CNTNAP5: variants seen among roughly 807,000 people sequenced by gnomAD.
CNTNAP5 encodes contactin associated protein family member 5, also known as contactin-associated protein-like 5.
Under a neutral mutation model 150.2 loss-of-function variants are expected in CNTNAP5, and 72 were observed. The observed-to-expected ratio is 0.48, with a 90% confidence interval of 0.40 to 0.58. The LOEUF is 0.58. Among genes scored for constraint, CNTNAP5 ranks in the 20% least tolerant of loss-of-function variants. The pLI, the probability that CNTNAP5 is intolerant of heterozygous loss-of-function variation, is 0.00. For synonymous variants in CNTNAP5, 672 were observed against 619.8 expected, an observed-to-expected ratio of 1.08 and a Z score of -1.25; for missense variants, 1,636 against 1,626.2, an observed-to-expected ratio of 1.01 and a Z score of -0.10.
intron 1 of CNTNAP5, among the ~76,000 whole-genome samples, chr2:124,137,452 T>G (rs1337058550): frequency 1.3e-5 from 2 of 152,152 alleles, no homozygotes; most frequent in Non-Finnish European, 2.9e-5. Flanking sequence ...CTTTTGACTT[T>G]GAATTCTAAA....
intron 13 of CNTNAP5, among the ~76,000 whole-genome samples, chr2:124,743,424 C>G (rs1680539372): frequency 6.6e-6 from 1 of 152,050 alleles, no homozygotes; most frequent in African/African-American, 2.4e-5. Flanking sequence ...TGTGCTTTAC[C>G]CATCAGCCCC....
At chr2:124,436,029 G>A (rs560471886) in intron 5 of CNTNAP5, among the ~76,000 whole-genome samples, 34 of 152,230 alleles carry the variant, frequency 2.2e-4, no homozygotes, top group South Asian at 4.1e-4. Flanking sequence ...AATGTTGGGC[G>A]TCCAAATACT....
intron 3 of CNTNAP5, among the ~76,000 whole-genome samples, chr2:124,313,284 GT>G (rs944376749): frequency 6.6e-6 from 1 of 152,054 alleles, no homozygotes; most frequent in Non-Finnish European, 1.5e-5. Context: ...GTTTTGTTTT[GT>G]TTTTTCTGTT....
At chr2:124,135,926 C>A (rs1357824204) in intron 1 of CNTNAP5, among the ~76,000 whole-genome samples, 1 of 152,160 alleles carries the variant, frequency 6.6e-6, no homozygotes, top group Non-Finnish European at 1.5e-5. Context: ...TGATGGCCTG[C>A]TTTTTTCATC....
chr2:124,839,957 A>T (rs1384207296), intron 19 of CNTNAP5, among the ~76,000 whole-genome samples: 2 of 152,200 alleles, frequency 1.3e-5, no homozygotes, highest in African/African-American at 4.8e-5. Flanking sequence ...GAACAAATAC[A>T]TGTGACAAGG....
At chr2:124,464,297 C>T (rs769738327) in intron 6 of CNTNAP5, among the ~76,000 whole-genome samples, 7 of 152,040 alleles carry the variant, frequency 4.6e-5, no homozygotes, top group Non-Finnish European at 1.0e-4. Context: ...TTACTCAATG[C>T]TGGGCTGTGT....
In CNTNAP5 at chr2:124,261,570, C is replaced by T. The variant is rs553818789; in HGVS notation, c.381+19177C>T. The stretch of plus-strand genomic sequence containing the variant: ...TCCTGCCCCAAGCACAAATCTGCCT[C>T]ATTATGTCCTGAATTCCCAGCGTCC... On this transcript the variant is annotated intron_variant, in intron 3 of 23. Coordinates refer to ENST00000682447, the MANE Select transcript of CNTNAP5 (RefSeq NM_001367498.1). Among the ~76,000 whole-genome samples, 11 of 152,304 alleles carry T rather than the reference C, an allele frequency of 7.2e-5. No homozygotes were observed. In the South Asian group the frequency reaches 2.3e-3, roughly 32 times the overall value.
chr2:124,386,596 C>A lies in CNTNAP5; in HGVS notation c.382-30847C>A, dbSNP rs145533128. ...GTTTACAGCTGTACAAAAGAAGTTGCAGCCTTCTTCAATAACTATCTGATG... is the reference window on the plus strand; with the variant it reads ...GTTTACAGCTGTACAAAAGAAGTTGAAGCCTTCTTCAATAACTATCTGATG... On this transcript the variant is annotated intron_variant, in intron 3 of 23. Transcript: ENST00000682447. Among the ~76,000 whole-genome samples, 575 of 152,338 alleles carry A rather than the reference C, an allele frequency of 3.8e-3. 6 individuals carry two copies. The highest frequency in any genetic ancestry group is 0.013 in the African/African-American group (543 of 41,588).
In CNTNAP5 at chr2:124,349,874, CTTTTTTTTTTTT is replaced by C. The variant is rs70996061; in HGVS notation, c.382-67552_382-67541del. ...GTTTTGAAATGACTTCTGGCTATTT[CTTTTTTTTTTTT>C]TTTTTTTTTTTTTTTTGAGACAGAG... On this transcript the variant is annotated intron_variant, in intron 3 of 23. Coordinates refer to ENST00000682447, the MANE Select transcript of CNTNAP5 (RefSeq NM_001367498.1). 2.1e-4 allele frequency among the ~76,000 whole-genome samples: 17 copies of C among 81,836 alleles called. 1 individual carries two copies. The highest frequency in any genetic ancestry group is 6.1e-4 in the African/African-American group (12 of 19,820). The allele number at this position is 81,836 out of a possible 152,430, so 53.7% of individuals were successfully genotyped here.
chr2:124,253,532 C>T (rs551925517), intron 3 of CNTNAP5, among the ~76,000 whole-genome samples: 3 of 152,216 alleles, frequency 2.0e-5, no homozygotes, highest in South Asian at 2.1e-4. Context: ...TGCAATTCTT[C>T]GAGACAATTA....
At chr2:124,220,745 C>CT (rs1686285719) in intron 1 of CNTNAP5, among the ~76,000 whole-genome samples, 1 of 152,064 alleles carries the variant, frequency 6.6e-6, no homozygotes, top group African/African-American at 2.4e-5. Flanking sequence ...CTCCTGAAAG[C>CT]TTTTTTATTA....
chr2:124,303,370 T>C (rs1048412637), intron 3 of CNTNAP5, among the ~76,000 whole-genome samples: 2 of 152,206 alleles, frequency 1.3e-5, no homozygotes, highest in Non-Finnish European at 2.9e-5. Context: ...AAATAGATGA[T>C]TCCACCTTGC....
At chr2:124,175,221 A>T (rs578101013) in intron 1 of CNTNAP5, among the ~76,000 whole-genome samples, 54 of 152,320 alleles carry the variant, frequency 3.5e-4, no homozygotes, top group African/African-American at 1.2e-3. Flanking sequence ...CACAAGTGGG[A>T]TCTACACATA....
chr2:124,505,097 C>T (rs1382166165), intron 8 of CNTNAP5, among the ~76,000 whole-genome samples: 2 of 152,198 alleles, frequency 1.3e-5, no homozygotes, highest in Middle Eastern at 3.4e-3. Context: ...TTCTTAGTCT[C>T]TTAGCAGTCT....
At chr2:124,656,903 CTG>C (rs1184493287) in intron 13 of CNTNAP5, among the ~76,000 whole-genome samples, 1 of 152,190 alleles carries the variant, frequency 6.6e-6, no homozygotes, top group Non-Finnish European at 1.5e-5. Flanking sequence ...ATTTTCTTCA[CTG>C]TTTTCTCTTC....
intron 3 of CNTNAP5, among the ~76,000 whole-genome samples, chr2:124,291,552 T>C (rs1688293512): frequency 6.6e-6 from 1 of 152,090 alleles, no homozygotes; most frequent in African/African-American, 2.4e-5. Context: ...CTGTTTTTTT[T>C]TTTATATGCG....
chr2:124,480,622 A>G (rs1210046346), intron 7 of CNTNAP5, among the ~76,000 whole-genome samples: 1 of 152,212 alleles, frequency 6.6e-6, no homozygotes. Context: ...CCTACTGTCT[A>G]GTAAAGCCTA....
At chr2:124,834,641 C>T (rs549980772) in intron 19 of CNTNAP5, among the ~76,000 whole-genome samples, 1 of 152,004 alleles carries the variant, frequency 6.6e-6, no homozygotes, top group East Asian at 1.9e-4. Context: ...TTAAATCATG[C>T]TAAGGGAGCT....
At chr2:124,131,739 G>GA (rs1421301873) in intron 1 of CNTNAP5, among the ~76,000 whole-genome samples, 4 of 152,048 alleles carry the variant, frequency 2.6e-5, no homozygotes, top group African/African-American at 9.7e-5. Flanking sequence ...GATTTTATAG[G>GA]AAAAAAAGCC....
Sources: gnomAD v4.1 joint callset for allele counts (sites outside exome capture counted in the v4.1 genomes callset) on GRCh38, gnomAD v4.1.1 for gene constraint, MANE v1.5 for transcripts, NCBI Gene and HGNC (gene_info 2026-07-23, HGNC 2026-07-21) for gene names.